The following LRRC74A variants were observed in gnomAD, a reference collection of about 807,000 sequenced individuals.
LRRC74A encodes the protein leucine-rich repeat-containing protein 74A.
In LRRC74A, 44 loss-of-function variants were observed where a neutral mutation model predicts 57.9. The observed-to-expected ratio is 0.76, with a 90% CI of 0.60 to 0.98. LRRC74A has a LOEUF of 0.98. LRRC74A is among the 50% of genes least tolerant of loss of function. The pLI, the probability that LRRC74A is intolerant of heterozygous loss-of-function variation, is 0.00. For missense variants in LRRC74A, 572 were observed against 574.0 expected, an observed-to-expected ratio of 1.00 and a Z score of 0.04; for synonymous variants, 211 against 219.4, an observed-to-expected ratio of 0.96 and a Z score of 0.34.
intron 9 of LRRC74A, among the ~76,000 whole-genome samples, chr14:76,854,894 G>A (rs370556126): frequency 6.6e-6 from 1 of 152,164 alleles, no homozygotes; most frequent in East Asian, 1.9e-4. Context: ...GCCTCACCTG[G>A]TAATGTGGGC....
intron 13 of LRRC74A, among the ~76,000 whole-genome samples, chr14:76,868,870 C>G (rs1225452134): frequency 6.6e-6 from 1 of 152,268 alleles, no homozygotes; most frequent in Non-Finnish European, 1.5e-5. Context: ...GATCTCCTCT[C>G]CCTTTAAAAT....
At chr14:76,848,088 G>A (rs957851771) in intron 7 of LRRC74A, among the ~76,000 whole-genome samples, 21 of 147,600 alleles carry the variant, frequency 1.4e-4, no homozygotes, top group Non-Finnish European at 2.7e-4. Flanking sequence ...CACAAGAACC[G>A]TTTGAACCTG....
At chr14:76,862,863 G>A (rs929089370) in intron 11 of LRRC74A, among the ~76,000 whole-genome samples, 3 of 152,228 alleles carry the variant, frequency 2.0e-5, no homozygotes, top group African/African-American at 7.2e-5. Flanking sequence ...TGGGCTGCAA[G>A]TGGCAGCCCT....
chr14:76,844,385 T>G (rs1896979390), intron 5 of LRRC74A, 38 bp from the exon 6 acceptor site: 2 of 1,594,986 alleles, frequency 1.3e-6, no homozygotes, highest in Non-Finnish European at 1.7e-6. Flanking sequence ...GGAGCCATGG[T>G]CTAGCAGTGC....
chr14:76,841,686 G>GAAGGA (rs1214176247), intron 5 of LRRC74A, among the ~76,000 whole-genome samples: 43 of 150,036 alleles, frequency 2.9e-4, no homozygotes, highest in African/African-American at 8.8e-4. Flanking sequence ...TACTCCTTCA[G>GAAGGA]GTATTTTTAT....
chr14:76,857,755 A>C (rs1039806118), intron 10 of LRRC74A, among the ~76,000 whole-genome samples: 1 of 152,264 alleles, frequency 6.6e-6, no homozygotes, highest in African/African-American at 2.4e-5. Flanking sequence ...AATGCCAAAA[A>C]GAAAGGCAGG....
intron 13 of LRRC74A, 47 bp downstream of exon 13, chr14:76,867,485 G>T: frequency 5.9e-6 from 6 of 1,017,112 alleles, no homozygotes; most frequent in Non-Finnish European, 7.8e-6. Flanking sequence ...AAGGGGCCCT[G>T]GCTGGGCTGA....
At chr14:76,829,035 C>T (rs1595336711) in intron 2 of LRRC74A, 1 of 1,289,380 alleles carries the variant, frequency 7.8e-7, no homozygotes, top group Non-Finnish European at 1.0e-6. Context: ...ACTGGCTGAG[C>T]TGAAACAAAG....
chr14:76,844,433 C>T lies in LRRC74A; in HGVS notation c.555C>T (p.Phe185=). Residue 185 remains phenylalanine (F), a synonymous_variant, in exon 6 of 14, where the codon TTC becomes TTT. Coordinates refer to ENST00000689127, the MANE Select transcript of LRRC74A (RefSeq NM_001385106.1). Reference sequence around the variant, plus strand: ...CCACCCTCACTACAGGAAATGACTTCAAGGAAGACTCCGCAGCACTGCTCT... The same window carrying T: ...CCACCCTCACTACAGGAAATGACTTTAAGGAAGACTCCGCAGCACTGCTCT... The part of the protein sequence containing the change: ...IWSLELSGND[F]KEDSAALLCQ... 1 of 1,612,646 alleles carries T rather than the reference C, an allele frequency of 6.2e-7. No homozygotes were observed. The highest frequency in any genetic ancestry group is 8.5e-7 in the Non-Finnish European group (1 of 1,179,436).
chr14:76,868,379 T>G (rs4903506), intron 13 of LRRC74A, among the ~76,000 whole-genome samples: 11,313 of 152,108 alleles, frequency 0.074, 1,035 homozygotes, highest in African/African-American at 0.21. Context: ...TGAAGTGGGG[T>G]GATTACTTGA....
In LRRC74A at chr14:76,851,651, C is replaced by T. The variant is rs543540920; in HGVS notation, c.677-714C>T. 2.7e-5 allele frequency among the ~76,000 whole-genome samples: 4 copies of T among 150,922 alleles called. No homozygotes were observed. In the East Asian group the frequency reaches 7.8e-4, roughly 29 times the overall value. ...GGGATTACAGGTGTGAGCCACCGTG[C>T]CTGGCCAAATAATTCTCACTTTTTT... On this transcript the variant is annotated intron_variant, in intron 7 of 13. Transcript: ENST00000689127.
intron 7 of LRRC74A, among the ~76,000 whole-genome samples, chr14:76,845,201 G>A (rs369804022): frequency 5.1e-4 from 77 of 152,224 alleles, no homozygotes; most frequent in African/African-American, 1.8e-3. Context: ...GTGCACACCT[G>A]TAATCCCAGC....
chr14:76,826,439 C>A lies in LRRC74A; in HGVS notation c.-259C>A. ...CTCCCAGCAATAGAGCAGTCCCACT[C>A]TCCCAGATGAGCTGGAGAAGTAGCT... On this transcript the variant is annotated 5_prime_UTR_variant, in exon 1 of 14. Transcript: ENST00000689127. The A allele has an allele frequency of 7.4e-7, 1 of 1,342,950 alleles. No homozygotes were observed. Among genetic ancestry groups the A allele is most frequent in the South Asian group, 1.4e-5 (1 of 71,692 alleles). The allele number at this position is 1,342,950 out of a possible 1,614,324, so 83.2% of individuals were successfully genotyped here.
At chr14:76,866,576 C>T (rs948130704) in intron 12 of LRRC74A, among the ~76,000 whole-genome samples, 1 of 152,126 alleles carries the variant, frequency 6.6e-6, no homozygotes, top group African/African-American at 2.4e-5. Context: ...AATAGGACTC[C>T]AGAGGAGAAG....
At chr14:76,837,485 A>G (rs1393528088) in intron 4 of LRRC74A, among the ~76,000 whole-genome samples, 3 of 152,224 alleles carry the variant, frequency 2.0e-5, no homozygotes, top group Non-Finnish European at 4.4e-5. Context: ...TACAATGATT[A>G]TGCACTCTAA....
rs780219864 is a variant in LRRC74A, at chr14:76,831,415, T to C, written c.339+40T>C. Reference sequence around the variant, plus strand: ...GGGAGCTCATGAAACCTGGAGGAGGTGGAGGGTTGGCAGAGTGGTAGGCCC... The same window carrying C: ...GGGAGCTCATGAAACCTGGAGGAGGCGGAGGGTTGGCAGAGTGGTAGGCCC... On this transcript the variant is annotated intron_variant, in intron 3 of 13. Transcript: ENST00000689127. 1.9e-6 allele frequency: 3 copies of C among 1,605,876 alleles called. No homozygotes were observed. The South Asian group carries it at 3.3e-5, about 18-fold the overall frequency.
At chr14:76,860,282 TG>T (rs1898200918) in intron 10 of LRRC74A, among the ~76,000 whole-genome samples, 1 of 152,192 alleles carries the variant, frequency 6.6e-6, no homozygotes, top group Non-Finnish European at 1.5e-5. Flanking sequence ...ATTTTGTCCC[TG>T]GTCACTTATT....
intron 5 of LRRC74A, among the ~76,000 whole-genome samples, chr14:76,839,276 T>G (rs1896583858): frequency 6.6e-6 from 1 of 152,248 alleles, no homozygotes; most frequent in Non-Finnish European, 1.5e-5. Flanking sequence ...AAATTTCCCT[T>G]TAAAAAGACT....
intron 13 of LRRC74A, among the ~76,000 whole-genome samples, chr14:76,868,796 C>A (rs933428064): frequency 6.6e-6 from 1 of 152,244 alleles, no homozygotes; most frequent in Non-Finnish European, 1.5e-5. Context: ...GCGATGCAGA[C>A]AAGAAAGGCA....
Sources: gnomAD v4.1 joint callset for allele counts (sites outside exome capture counted in the v4.1 genomes callset) on GRCh38, gnomAD v4.1.1 for gene constraint, MANE v1.5 for transcripts, NCBI Gene and HGNC (gene_info 2026-07-23, HGNC 2026-07-21) for gene names.